TENM4: variants seen among roughly 807,000 people sequenced by gnomAD.
TENM4 encodes teneurin transmembrane protein 4.
In TENM4, 82 loss-of-function variants were observed where a neutral mutation model predicts 243.3. That is an observed-to-expected ratio of 0.34 (90% CI 0.28 to 0.40). TENM4 has a LOEUF of 0.40. Among genes scored for constraint, TENM4 ranks in the 10% least tolerant of loss-of-function variants. The probability of loss-of-function intolerance (pLI) is 1.00; values close to 1 mark genes in which losing one functional copy is unlikely to be tolerated. For synonymous variants in TENM4, 1,412 were observed against 1,456.3 expected, an observed-to-expected ratio of 0.97 and a Z score of 0.69; for missense variants, 3,138 against 3,673.3, an observed-to-expected ratio of 0.85 and a Z score of 3.77.
At chr11:78,913,369 G>A (rs532352949) in intron 6 of TENM4, among the ~76,000 whole-genome samples, 5 of 152,304 alleles carry the variant, frequency 3.3e-5, no homozygotes, top group African/African-American at 7.2e-5. Context: ...GCTGCAGCCG[G>A]AGGGGTGGGA....
chr11:78,662,817 AT>A (rs1199583023), intron 32 of TENM4, among the ~76,000 whole-genome samples: 1 of 152,198 alleles, frequency 6.6e-6, no homozygotes, highest in African/African-American at 2.4e-5. Flanking sequence ...AAGGAAAAAG[AT>A]TAGAGGAAGG....
At chr11:79,347,797 G>T (rs1199067981) in intron 1 of TENM4, among the ~76,000 whole-genome samples, 1 of 122,354 alleles carries the variant, frequency 8.2e-6, no homozygotes, top group Non-Finnish European at 1.6e-5. Flanking sequence ...TTTTGAGACG[G>T]AGTCTCGCTC....
chr11:79,266,406 C>A (rs781386405), intron 2 of TENM4, among the ~76,000 whole-genome samples: 1 of 152,160 alleles, frequency 6.6e-6, no homozygotes, highest in African/African-American at 2.4e-5. Flanking sequence ...CTAAAAAGTA[C>A]CTTGCATCAT....
At chr11:79,385,586 A>G (rs566177460) in intron 1 of TENM4, among the ~76,000 whole-genome samples, 1 of 152,344 alleles carries the variant, frequency 6.6e-6, no homozygotes, top group South Asian at 2.1e-4. Context: ...CAAATTATGT[A>G]CCCTCATTAA....
chr11:78,989,551 T>A (rs185729687), intron 6 of TENM4, among the ~76,000 whole-genome samples: 1 of 152,360 alleles, frequency 6.6e-6, no homozygotes, highest in Non-Finnish European at 1.5e-5. Flanking sequence ...AAGAACTCTC[T>A]TTAGAGAAAT....
chr11:78,966,773 C>T (rs1857446197), intron 6 of TENM4, among the ~76,000 whole-genome samples: 1 of 152,184 alleles, frequency 6.6e-6, no homozygotes, highest in South Asian at 2.1e-4. Flanking sequence ...GTCTCCCCAC[C>T]TGTCCCCTTA....
At chr11:79,326,400 T>C (rs1426018425) in intron 1 of TENM4, among the ~76,000 whole-genome samples, 3 of 152,146 alleles carry the variant, frequency 2.0e-5, no homozygotes, top group Non-Finnish European at 4.4e-5. Flanking sequence ...GTATCTTTGC[T>C]CCTCAAGTGC....
chr11:79,128,076 T>C (rs1348760580), intron 4 of TENM4, among the ~76,000 whole-genome samples: 1 of 152,152 alleles, frequency 6.6e-6, no homozygotes, highest in Non-Finnish European at 1.5e-5. Flanking sequence ...CAGGCTGCTG[T>C]GCAAGCTGGG....
intron 12 of TENM4, among the ~76,000 whole-genome samples, chr11:78,831,076 A>G (rs2136146653): frequency 6.6e-6 from 1 of 152,268 alleles, no homozygotes; most frequent in Non-Finnish European, 1.5e-5. Context: ...CAGATGAGAA[A>G]ATGGAGGCCT....
chr11:79,111,253 C>T (rs1861497503), intron 4 of TENM4, among the ~76,000 whole-genome samples: 1 of 152,160 alleles, frequency 6.6e-6, no homozygotes, highest in African/African-American at 2.4e-5. Flanking sequence ...GTCCATCAAA[C>T]CTCTTTTTCT....
chr11:78,949,474 G>A (rs1173026172), intron 6 of TENM4, among the ~76,000 whole-genome samples: 1 of 152,176 alleles, frequency 6.6e-6, no homozygotes, highest in Non-Finnish European at 1.5e-5. Context: ...TAAAATAAAA[G>A]GGTTGATCTA....
At chr11:79,340,030 C>A (rs1008873881) in intron 1 of TENM4, among the ~76,000 whole-genome samples, 4 of 152,152 alleles carry the variant, frequency 2.6e-5, no homozygotes, top group African/African-American at 9.7e-5. Flanking sequence ...AAATATTAAA[C>A]GAGACTTCCT....
At chr11:79,206,692 T>C (rs1291758355) in intron 3 of TENM4, among the ~76,000 whole-genome samples, 1 of 152,168 alleles carries the variant, frequency 6.6e-6, no homozygotes, top group Admixed American at 6.5e-5. Context: ...TTTTGCTTCT[T>C]CCTCATTTTC....
At chr11:78,990,839 AG>A (rs1565157531) in intron 6 of TENM4, among the ~76,000 whole-genome samples, 2 of 152,194 alleles carry the variant, frequency 1.3e-5, no homozygotes, top group African/African-American at 2.4e-5. Context: ...GGGGATTTTC[AG>A]TTTGTTTTAC....
intron 6 of TENM4, among the ~76,000 whole-genome samples, chr11:79,034,390 A>G (rs997720427): frequency 6.6e-6 from 1 of 152,110 alleles, no homozygotes; most frequent in African/African-American, 2.4e-5. Flanking sequence ...GTAACCACAA[A>G]TGCTATTCTG....
At chr11:79,135,805 GAT>G (rs1307119584) in intron 4 of TENM4, among the ~76,000 whole-genome samples, 1 of 140,994 alleles carries the variant, frequency 7.1e-6, no homozygotes, top group Admixed American at 7.0e-5. Flanking sequence ...ATATATGTAT[GAT>G]ATATATATTC....
At chr11:79,312,966 C>T (rs1035933076) in intron 1 of TENM4, among the ~76,000 whole-genome samples, 22 of 152,174 alleles carry the variant, frequency 1.4e-4, no homozygotes, top group African/African-American at 4.1e-4. Context: ...CATCAGGATT[C>T]GCTGCCCACC....
intron 6 of TENM4, among the ~76,000 whole-genome samples, chr11:78,941,210 C>T (rs534998381): frequency 4.6e-5 from 7 of 152,308 alleles, no homozygotes; most frequent in Non-Finnish European, 1.0e-4. Flanking sequence ...CTCTGAGCCT[C>T]GGTTGCCTCA....
intron 27 of TENM4, among the ~76,000 whole-genome samples, chr11:78,704,356 T>G (rs1229665140): frequency 6.6e-6 from 1 of 151,772 alleles, no homozygotes; most frequent in Non-Finnish European, 1.5e-5. Flanking sequence ...CTTCCAGGAA[T>G]TTACTTTTGT....
Sources: gnomAD v4.1 joint callset for allele counts (sites outside exome capture counted in the v4.1 genomes callset) on GRCh38, gnomAD v4.1.1 for gene constraint, MANE v1.5 for transcripts, NCBI Gene and HGNC (gene_info 2026-07-23, HGNC 2026-07-21) for gene names.